Variants in KATNBL1 observed in about 807,000 individuals in gnomAD.
KATNBL1 encodes the protein katanin regulatory subunit B1 like 1.
In KATNBL1, 28 loss-of-function variants were observed where a neutral mutation model predicts 44.7. That is an observed-to-expected ratio of 0.63 (90% CI 0.46 to 0.86). KATNBL1 has a LOEUF of 0.86. Ranked by LOEUF, KATNBL1 falls within the 40% of genes least tolerant of loss-of-function variation. The pLI is 0.00. For missense variants in KATNBL1, 272 were observed against 350.7 expected (o/e 0.78, Z 1.79); for synonymous variants, 78 against 114.9 (o/e 0.68, Z 2.06).
chr15:34,199,825 G>T (rs1244567890), intron 1 of KATNBL1: 1 of 151,090 alleles, frequency 6.6e-6, no homozygotes, highest in Non-Finnish European at 1.5e-5. Context: ...GATTTATTGT[G>T]AAGACGGAAA....
chr15:34,198,758 T>A (rs1890091164), intron 1 of KATNBL1, among the ~76,000 whole-genome samples: 1 of 152,208 alleles, frequency 6.6e-6, no homozygotes, highest in Admixed American at 6.5e-5. Flanking sequence ...TTTAGGTGTA[T>A]TTGGTCAAGA....
At chr15:34,162,192 A>G (rs1312647249) in intron 2 of KATNBL1, among the ~76,000 whole-genome samples, 1 of 152,210 alleles carries the variant, frequency 6.6e-6, no homozygotes, top group Admixed American at 6.5e-5. Context: ...CTCATCTTGA[A>G]TTATAGCTCC....
At chr15:34,200,815 T>A (rs963018730) in intron 1 of KATNBL1, among the ~76,000 whole-genome samples, 1 of 109,162 alleles carries the variant, frequency 9.2e-6, no homozygotes. Context: ...AGTGTTTTTG[T>A]TTTGTTTTGT....
intron 1 of KATNBL1, among the ~76,000 whole-genome samples, chr15:34,181,677 C>T (rs62016518): frequency 4.7e-4 from 36 of 77,316 alleles, no homozygotes; most frequent in Non-Finnish European, 5.9e-4. Flanking sequence ...CATATATATA[C>T]ACATATATAT....
chr15:34,152,416 C>T (rs1888509728), intron 4 of KATNBL1, among the ~76,000 whole-genome samples: 1 of 152,166 alleles, frequency 6.6e-6, no homozygotes, highest in South Asian at 2.1e-4. Flanking sequence ...GTTGGCCAGG[C>T]TGGTCTCAAA....
At chr15:34,184,568 TAA>T (rs2140974441) in intron 1 of KATNBL1, among the ~76,000 whole-genome samples, 1 of 79,162 alleles carries the variant, frequency 1.3e-5, no homozygotes, top group South Asian at 5.3e-4. Context: ...CTGTCTCTCC[TAA>T]TGTTTCTTTT....
chr15:34,142,280 A>G lies in KATNBL1; in HGVS notation c.*59T>C. The G allele has an allele frequency of 2.0e-6, 3 of 1,477,316 alleles. No individual in the cohort carries two copies. Among genetic ancestry groups the G allele is most frequent in the Admixed American group, 2.5e-5 (1 of 39,720 alleles). 91.5% of individuals were successfully genotyped at this position (1,477,316 alleles called of 1,614,324 possible). ...CTCAGACGAGACTTTTTTTTTTTGT[A>G]AATTATACAGTTCAGGGATGTTTTG... On this transcript the variant is annotated 3_prime_UTR_variant, in exon 10 of 10. Coordinates refer to ENST00000256544, the MANE Select transcript of KATNBL1 (RefSeq NM_024713.3).
intron 1 of KATNBL1, among the ~76,000 whole-genome samples, chr15:34,166,381 G>C (rs971488695): frequency 1.3e-5 from 2 of 152,256 alleles, no homozygotes; most frequent in East Asian, 1.9e-4. Flanking sequence ...GCCTGGCAGG[G>C]GGAGGGGCGT....
At chr15:34,182,149 C>T (rs995868814) in intron 1 of KATNBL1, among the ~76,000 whole-genome samples, 19 of 151,968 alleles carry the variant, frequency 1.3e-4, no homozygotes, top group East Asian at 3.9e-4. Context: ...ATATTCTTAA[C>T]GAATACACTG....
chr15:34,166,834 C>A (rs1888992544), intron 1 of KATNBL1, among the ~76,000 whole-genome samples: 1 of 152,200 alleles, frequency 6.6e-6, no homozygotes, highest in Non-Finnish European at 1.5e-5. Flanking sequence ...TAAACTCCAA[C>A]AGACCTGCAG....
At chr15:34,198,123 G>C (rs1340938228) in intron 1 of KATNBL1, 1 of 152,164 alleles carries the variant, frequency 6.6e-6, no homozygotes, top group Admixed American at 6.5e-5. Context: ...AGCTTCTTAA[G>C]CCTTGCAACA....
intron 1 of KATNBL1, among the ~76,000 whole-genome samples, chr15:34,197,556 G>C (rs529563555): frequency 1.3e-5 from 2 of 152,304 alleles, no homozygotes; most frequent in South Asian, 4.1e-4. Flanking sequence ...TCCTAAATTT[G>C]TTGTATGTTT....
At chr15:34,152,662 C>T in intron 4 of KATNBL1, 128 bp downstream of exon 4, 1 of 713,312 alleles carries the variant, frequency 1.4e-6, no homozygotes, top group South Asian at 2.1e-5. Context: ...CAGGGAGTTA[C>T]TATGACTCAA....
In KATNBL1 at chr15:34,141,348, T is replaced by A. The variant is rs1313697344; in HGVS notation, c.*991A>T. The A allele has an allele frequency of 1.3e-5, 2 of 152,416 alleles. No individual in the cohort carries two copies. Among genetic ancestry groups the A allele is most frequent in the Non-Finnish European group, 2.9e-5 (2 of 67,976 alleles). The allele number at this position is 152,416 out of a possible 1,614,324, so 9.4% of individuals were successfully genotyped here. On this transcript the variant is annotated 3_prime_UTR_variant, in exon 10 of 10. Coordinates refer to ENST00000256544, the MANE Select transcript of KATNBL1 (RefSeq NM_024713.3). ...ATGTAACTCTTTAAAACATATGTAG[T>A]GAAAAAGAATTAGAATTCATATAAA...
At chr15:34,180,162 A>G (rs890355268) in intron 1 of KATNBL1, among the ~76,000 whole-genome samples, 4 of 150,442 alleles carry the variant, frequency 2.7e-5, no homozygotes, top group South Asian at 2.1e-4. Context: ...CAACTCCTAT[A>G]CTCTTTCTCT....
chr15:34,163,644 C>A lies in KATNBL1; in HGVS notation c.33G>T (p.Arg11=). The part of the protein sequence containing the change: MASETHNVKK[R]NFCNKIEDHF... ...GATCCTCAATCTTATTACAAAAGTT[C>A]CGTTTTTTAACATTGTGGGTTTCTG... The change falls in exon 2 of 10, where the codon CGG becomes CGT. Residue 11 remains arginine (R), a synonymous_variant. Coordinates refer to ENST00000256544, the MANE Select transcript of KATNBL1 (RefSeq NM_024713.3). The A allele has an allele frequency of 6.3e-7, 1 of 1,594,728 alleles. No individual in the cohort carries two copies. The highest frequency in any genetic ancestry group is 8.5e-7 in the Non-Finnish European group (1 of 1,172,792).
At chr15:34,190,878 C>A (rs554429828) in intron 1 of KATNBL1, among the ~76,000 whole-genome samples, 2 of 152,062 alleles carry the variant, frequency 1.3e-5, no homozygotes, top group South Asian at 4.1e-4. Context: ...CCTGTTAATG[C>A]GACCATGAGG....
chr15:34,177,970 A>C (rs1199101238), intron 1 of KATNBL1: 1 of 152,224 alleles, frequency 6.6e-6, no homozygotes, highest in Non-Finnish European at 1.5e-5. Context: ...ATCTCTCAAG[A>C]ATCTTGAAGG....
At chr15:34,182,073 C>A (rs181711342) in intron 1 of KATNBL1, among the ~76,000 whole-genome samples, 1 of 151,504 alleles carries the variant, frequency 6.6e-6, no homozygotes, top group Non-Finnish European at 1.5e-5. Context: ...ATAATTTGCC[C>A]GAGATTAAAC....
Sources: gnomAD v4.1 joint callset for allele counts (sites outside exome capture counted in the v4.1 genomes callset) on GRCh38, gnomAD v4.1.1 for gene constraint, MANE v1.5 for transcripts, NCBI Gene and HGNC (gene_info 2026-07-23, HGNC 2026-07-21) for gene names.